The following ZC3H14 variants were observed in gnomAD, a reference collection of about 807,000 sequenced individuals.
The protein encoded by ZC3H14 is zinc finger CCCH-type containing 14, also known as zinc finger CCCH domain-containing protein 14.
ZC3H14 carries 31 observed loss-of-function variants against 92.4 expected under a neutral mutation model. The ratio of observed to expected loss-of-function variants is 0.34; its 90% CI spans 0.25 to 0.45. ZC3H14 has a LOEUF of 0.45. Among genes scored for constraint, ZC3H14 ranks in the 20% least tolerant of loss-of-function variants. The pLI, the probability that ZC3H14 is intolerant of heterozygous loss-of-function variation, is 1.00. For missense variants in ZC3H14, 781 were observed against 897.3 expected (o/e 0.87, Z 1.66); for synonymous variants, 321 against 300.9 (o/e 1.07, Z -0.69).
At chr14:88,606,345 G>T (rs938012203) in intron 12 of ZC3H14, among the ~76,000 whole-genome samples, 2 of 152,142 alleles carry the variant, frequency 1.3e-5, no homozygotes, top group African/African-American at 4.8e-5. Context: ...TTTCCAGGCT[G>T]CTGCTCCCCG....
intron 6 of ZC3H14, among the ~76,000 whole-genome samples, chr14:88,574,039 T>A (rs2080842235): frequency 1.3e-5 from 2 of 152,328 alleles, no homozygotes; most frequent in South Asian, 4.1e-4. Flanking sequence ...ATTTCCAGCA[T>A]TTGAGATATT....
rs1595187046 is a variant in ZC3H14, at chr14:88,618,166, A to G, written c.*6415A>G. On this transcript the variant is annotated 3_prime_UTR_variant, in exon 17 of 17. Coordinates refer to ENST00000251038, the MANE Select transcript of ZC3H14 (RefSeq NM_024824.5). ...ATTGGAATGGCTCTAACAGTTCAGA[A>G]ATAGGATTTTCTAACTGGCCTTCAA... 2 of 1,416,612 alleles carry G rather than the reference A, an allele frequency of 1.4e-6. No homozygotes were observed. Among genetic ancestry groups the G allele is most frequent in the East Asian group, 4.6e-5 (2 of 43,662 alleles). The allele number at this position is 1,416,612 out of a possible 1,614,324, so 87.8% of individuals were successfully genotyped here.
rs749923482 is a variant in ZC3H14, at chr14:88,572,870, C to G, written c.724C>G (p.His242Asp). 38 of 1,614,052 alleles carry G rather than the reference C, an allele frequency of 2.4e-5. No homozygotes were observed. In the South Asian group the frequency reaches 4.1e-4, roughly 17 times the overall value. Residue 242 changes from histidine to aspartate, a missense_variant, in exon 6 of 17, where the codon CAT becomes GAT. His to Asp is a moderately conservative substitution (Grantham distance 81). Around this residue, in one of 3 missense-constraint regions of ZC3H14, gnomAD observed 454 missense variants for 438.5 expected, o/e 1.04. Coordinates refer to ENST00000251038, the MANE Select transcript of ZC3H14 (RefSeq NM_024824.5). ...LQFQQQQNSI[H>D]AAKQLDMQSS... ...ATTTCAACAGCAGCAGAATAGTATT[C>G]ATGCTGCCAAGCAGCTTGATATGCA... is the stretch of plus-strand genomic sequence containing the variant.
chr14:88,563,254 TGGAC>T (rs2079100164), intron 1 of ZC3H14, 85 bp downstream of exon 1: 2 of 1,549,104 alleles, frequency 1.3e-6, no homozygotes, highest in Admixed American at 3.9e-5. Context: ...TGGGCCCGGG[TGGAC>T]GCCGCGGCCT....
intron 12 of ZC3H14, among the ~76,000 whole-genome samples, chr14:88,606,269 T>TG (rs2085382730): frequency 6.6e-6 from 1 of 152,194 alleles, no homozygotes; most frequent in Admixed American, 6.5e-5. Flanking sequence ...CACTTTGCCC[T>TG]GTCATAGTAA....
intron 9 of ZC3H14, among the ~76,000 whole-genome samples, chr14:88,585,162 T>C (rs1460515121): frequency 6.6e-6 from 1 of 152,180 alleles, no homozygotes; most frequent in East Asian, 1.9e-4. Context: ...TAATCTCATC[T>C]GAGTTTGCCT....
intron 9 of ZC3H14, chr14:88,589,378 C>A (rs1410992819): frequency 6.6e-6 from 1 of 152,168 alleles, no homozygotes; most frequent in African/African-American, 2.4e-5. Flanking sequence ...TGCCTTACAT[C>A]CTTCTTGGTT....
intron 8 of ZC3H14, among the ~76,000 whole-genome samples, chr14:88,577,350 A>AATTTGAAACTC (rs1483799605): frequency 2.0e-5 from 3 of 152,344 alleles, no homozygotes; most frequent in Admixed American, 1.3e-4. Context: ...TCTAAATTAC[A>AATTTGAAACTC]ATTTGAAACT....
intron 4 of ZC3H14, 27 bp downstream of exon 4, chr14:88,571,151 T>C: frequency 6.4e-7 from 1 of 1,556,224 alleles, no homozygotes. Flanking sequence ...TTTTTTTTAA[T>C]TTCTGCTTGC....
At chr14:88,584,129 T>G (rs1428382438) in intron 9 of ZC3H14, among the ~76,000 whole-genome samples, 5 of 152,214 alleles carry the variant, frequency 3.3e-5, no homozygotes, top group Non-Finnish European at 7.3e-5. Context: ...TTAATTATAT[T>G]TGCTTTATAT....
In ZC3H14 at chr14:88,616,291, T is replaced by G. The variant is rs1369375232; in HGVS notation, c.*4540T>G. ...TCAGGGCATTTGGTGCACACAGAAG[T>G]CAAAGGCTCTTATTAGGAACTATAA... On this transcript the variant is annotated 3_prime_UTR_variant, in exon 17 of 17. Transcript: ENST00000251038. 1 of 1,543,020 alleles carries G rather than the reference T, an allele frequency of 6.5e-7. No individual in the cohort carries two copies. Among genetic ancestry groups the G allele is most frequent in the East Asian group, 2.2e-5 (1 of 44,474 alleles).
chr14:88,572,297 C>T, intron 5 of ZC3H14, 72 bp downstream of exon 5: 1 of 1,537,606 alleles, frequency 6.5e-7, no homozygotes, highest in East Asian at 2.3e-5. Context: ...GTTTTTATAT[C>T]TTTCAGTTTG....
intron 9 of ZC3H14, among the ~76,000 whole-genome samples, chr14:88,579,508 T>G (rs2081618929): frequency 6.6e-6 from 1 of 152,212 alleles, no homozygotes; most frequent in African/African-American, 2.4e-5. Flanking sequence ...CACCAAGGTT[T>G]TCTTCAAACA....
chr14:88,618,845 C>T lies in ZC3H14; in HGVS notation c.*7094C>T. The T allele has an allele frequency of 6.5e-7, 1 of 1,536,984 alleles. No homozygotes were observed. The highest frequency in any genetic ancestry group is 1.2e-5 in the South Asian group (1 of 80,948). Reference sequence around the variant, plus strand: ...AAAACAAAACGTAAAAAGTATTAGACCACATGAAGTATTATAAATACTTAA... The same window carrying T: ...AAAACAAAACGTAAAAAGTATTAGATCACATGAAGTATTATAAATACTTAA... On this transcript the variant is annotated 3_prime_UTR_variant, in exon 17 of 17. Transcript: ENST00000251038.
Position 88,620,747 on chromosome 14 carries a change from C to T in ZC3H14, c.*8996C>T. The T allele has an allele frequency of 6.4e-7, 1 of 1,573,220 alleles. No individual in the cohort carries two copies. The highest frequency in any genetic ancestry group is 8.6e-7 in the Non-Finnish European group (1 of 1,165,214). On this transcript the variant is annotated 3_prime_UTR_variant, in exon 17 of 17. Coordinates refer to ENST00000251038, the MANE Select transcript of ZC3H14 (RefSeq NM_024824.5). The surrounding 1 kb of genome is among the most constrained non-coding windows in gnomAD (Gnocchi z 4.3). ...TACTAGAAACTCTATTCCATTTGTTCACTAACCTGATATCATGGATTGCAC... is the reference window on the plus strand; with the variant it reads ...TACTAGAAACTCTATTCCATTTGTTTACTAACCTGATATCATGGATTGCAC...
At position 88,574,947 on chromosome 14, in the gene ZC3H14, T is replaced by C. The variant is rs2080965102; in HGVS notation, c.1022+94T>C. 6.3e-6 allele frequency: 10 copies of C among 1,576,504 alleles called. No homozygotes were observed. In the South Asian group the frequency reaches 1.1e-4, roughly 18 times the overall value. ...AATAATCACGAAAATAATTTTTGTTTGTTTTTTGAGACGGAGTCTCGCTCT... is the reference window on the plus strand; with the variant it reads ...AATAATCACGAAAATAATTTTTGTTCGTTTTTTGAGACGGAGTCTCGCTCT... On this transcript the variant is annotated intron_variant, in intron 7 of 16. Transcript: ENST00000251038.
At chr14:88,606,748 A>G (rs1034284970) in intron 12 of ZC3H14, among the ~76,000 whole-genome samples, 2 of 21,406 alleles carry the variant, frequency 9.3e-5, no homozygotes, top group Non-Finnish European at 4.1e-4. Context: ...ACCCTGTCGT[A>G]AAAAAAAAAA....
intron 1 of ZC3H14, 50 bp downstream of exon 1, chr14:88,563,219 C>T (rs1259687425): frequency 1.3e-6 from 2 of 1,581,070 alleles, no homozygotes; most frequent in East Asian, 2.3e-5. Context: ...GGCGAGCGGG[C>T]GGTTGTCAGG....
At position 88,572,767 on chromosome 14, in the gene ZC3H14, T is replaced by C. The variant is rs2080602142; in HGVS notation, c.621T>C (p.Ser207=). The C allele has an allele frequency of 6.2e-7, 1 of 1,614,096 alleles. No homozygotes were observed. The change falls in exon 6 of 17, where the codon TCT becomes TCC. Residue 207 remains serine (S), a synonymous_variant. Transcript: ENST00000251038. The part of the protein sequence containing the change: ...KKPTVTLTYG[S]SRPSIEIYRP... ...CTACAGTGACACTTACATATGGTTC[T>C]TCTCGCCCTTCTATTGAAATTTATC...
Sources: gnomAD v4.1 joint callset for allele counts (sites outside exome capture counted in the v4.1 genomes callset) on GRCh38, gnomAD v4.1.1 for gene constraint, gnomAD v4.1.1 regional missense constraint, Gnocchi (gnomAD v3.1) non-coding constraint, MANE v1.5 for transcripts, NCBI Gene and HGNC (gene_info 2026-07-23, HGNC 2026-07-21) for gene names.